Variants in ABCA12 observed in about 807,000 individuals in gnomAD.
ABCA12 encodes ATP binding cassette subfamily A member 12, also known as glucosylceramide transporter ABCA12.
A neutral mutation model predicts 293.5 loss-of-function variants in ABCA12; 156 were observed. The observed-to-expected ratio is 0.53, with a 90% CI of 0.47 to 0.61. ABCA12 has a LOEUF of 0.61. Among genes scored for constraint, ABCA12 ranks in the 20% least tolerant of loss-of-function variants. The probability of loss-of-function intolerance (pLI) is 0.00; values close to 1 mark genes in which losing one functional copy is unlikely to be tolerated. For synonymous variants in ABCA12, 1,063 were observed against 1,108.0 expected, an observed-to-expected ratio of 0.96 and a Z score of 0.81; for missense variants, 2,797 against 3,090.2, an observed-to-expected ratio of 0.91 and a Z score of 2.25.
chr2:215,053,055 T>A (rs890929410), intron 4 of ABCA12, among the ~76,000 whole-genome samples: 1 of 152,024 alleles, frequency 6.6e-6, no homozygotes, highest in Non-Finnish European at 1.5e-5. Flanking sequence ...AATCATAAAT[T>A]CTCTCCTCAA....
chr2:215,093,613 A>G (rs147220033), intron 2 of ABCA12, among the ~76,000 whole-genome samples: 8,367 of 152,290 alleles, frequency 0.055, 741 homozygotes, highest in African/African-American at 0.19. Context: ...TGCGTGCGGC[A>G]GCTGCCGCTG....
intron 5 of ABCA12, among the ~76,000 whole-genome samples, chr2:215,050,451 A>G (rs903146975): frequency 1.3e-5 from 2 of 152,118 alleles, no homozygotes; most frequent in African/African-American, 2.4e-5. Context: ...ATCTCCCTAT[A>G]TATTTCATAA....
chr2:214,993,222 A>G (rs1699962461), intron 23 of ABCA12, among the ~76,000 whole-genome samples: 1 of 152,070 alleles, frequency 6.6e-6, no homozygotes, highest in African/African-American at 2.4e-5. Flanking sequence ...TTCTCTCCCT[A>G]ATGTTTTTCT....
intron 2 of ABCA12, among the ~76,000 whole-genome samples, chr2:215,081,177 T>C (rs1701928806): frequency 6.6e-6 from 1 of 152,058 alleles, no homozygotes; most frequent in Admixed American, 6.6e-5. Context: ...CCTTCACTTC[T>C]TAACAACACA....
intron 2 of ABCA12, among the ~76,000 whole-genome samples, chr2:215,081,872 C>T (rs1017878641): frequency 6.6e-6 from 1 of 151,996 alleles, no homozygotes; most frequent in South Asian, 2.1e-4. Flanking sequence ...CTTGAATTCT[C>T]AGATACAAAA....
In ABCA12 at chr2:214,953,972, G is replaced by T; in HGVS notation, c.6529C>A (p.Pro2177Thr). The T allele has an allele frequency of 6.2e-7, 1 of 1,614,038 alleles. No individual in the cohort carries two copies. Among genetic ancestry groups the T allele is most frequent in the South Asian group, 1.1e-5 (1 of 91,074 alleles). Residue 2177 changes from proline to threonine, a missense_variant, in exon 44 of 53, where the codon CCA becomes ACA. Physicochemically the swap from Pro to Thr is conservative, Grantham distance 38 (BLOSUM62 -1). Around this residue, in one of 3 missense-constraint regions of ABCA12, gnomAD observed 2,130 missense variants for 2,427.0 expected, o/e 0.88. Coordinates refer to ENST00000272895, the MANE Select transcript of ABCA12 (RefSeq NM_173076.3). ...DFLKAYGVEYPNETFEMNKLG... is the reference protein window; with the variant it reads ...DFLKAYGVEYTNETFEMNKLG... The stretch of plus-strand genomic sequence containing the variant: ...TTATTCATCTCAAAGGTTTCATTTG[G>T]GTATTCCACTCCATATGCTTTTAAG...
At chr2:215,052,653 A>G (rs1197646528) in intron 4 of ABCA12, 69 bp from the exon 5 acceptor site, 1 of 1,263,686 alleles carries the variant, frequency 7.9e-7, no homozygotes, top group Non-Finnish European at 1.2e-6. Flanking sequence ...CCACATGAGA[A>G]TCCATAAACA....
intron 2 of ABCA12, among the ~76,000 whole-genome samples, chr2:215,090,202 C>T (rs1371248926): frequency 6.6e-6 from 1 of 152,186 alleles, no homozygotes; most frequent in African/African-American, 2.4e-5. Flanking sequence ...ACTTCCTTTG[C>T]TGACTCTCTT....
chr2:215,004,434 A>C, intron 19 of ABCA12, 135 bp from the exon 20 acceptor site: 1 of 674,006 alleles, frequency 1.5e-6, no homozygotes, highest in Non-Finnish European at 2.6e-6. Flanking sequence ...AAAGGCTCAC[A>C]GAGAAATCCT....
rs796889044 is a variant in ABCA12, at chr2:215,060,382, T to A, written c.317+3684A>T. ...GCTTACATAATAATTAAGACATTCT[T>A]CTACTTTGTTTTTTGATAAATAAAA... On this transcript the variant is annotated intron_variant, in intron 3 of 52. Transcript: ENST00000272895. Among the ~76,000 whole-genome samples the A allele has an allele frequency of 2.6e-5, 4 of 152,080 alleles. No homozygotes were observed. In the South Asian group the frequency reaches 6.2e-4, roughly 24 times the overall value.
At chr2:215,000,508 C>T (rs1281671196) in intron 22 of ABCA12, among the ~76,000 whole-genome samples, 197 bp downstream of exon 22, 1 of 152,154 alleles carries the variant, frequency 6.6e-6, no homozygotes, top group Admixed American at 6.5e-5. Context: ...TTGGTAAACA[C>T]TTTACCATCA....
rs1170520522 is a variant in ABCA12 at position 215,111,587 on chromosome 2, A to G, written c.163+10T>C. The G allele has an allele frequency of 6.3e-7, 1 of 1,583,094 alleles. No individual in the cohort carries two copies. The highest frequency in any genetic ancestry group is 1.7e-5 in the Admixed American group (1 of 59,888). ...AAAATTAAGGAAATAAACAAATGTCATTTACTTACAAGTTGGTTTTGCAGT... is the reference window on the plus strand; with the variant it reads ...AAAATTAAGGAAATAAACAAATGTCGTTTACTTACAAGTTGGTTTTGCAGT... On this transcript the variant is annotated intron_variant, in intron 2 of 52. Transcript: ENST00000272895.
In ABCA12 at chr2:215,048,276, A is replaced by T. The variant is rs577579133; in HGVS notation, c.693+1350T>A. ...AGTGTGGTGATTCCTCAAAGACCTAAAAACAGAGCTACCATTCAACCCAGT... is the reference window on the plus strand; with the variant it reads ...AGTGTGGTGATTCCTCAAAGACCTATAAACAGAGCTACCATTCAACCCAGT... On this transcript the variant is annotated intron_variant, in intron 6 of 52. Transcript: ENST00000272895. Among the ~76,000 whole-genome samples the T allele has an allele frequency of 3.3e-5, 5 of 152,248 alleles. No individual in the cohort carries two copies. The East Asian group carries it at 5.8e-4, about 18-fold the overall frequency.
chr2:214,944,883 A>ATG (rs1234840187), intron 49 of ABCA12, 118 bp downstream of exon 49: 4 of 727,146 alleles, frequency 5.5e-6, no homozygotes, highest in Non-Finnish European at 9.6e-6. Context: ...GTATATATAT[A>ATG]TATACACACA....
intron 52 of ABCA12, among the ~76,000 whole-genome samples, chr2:214,933,085 A>G (rs1291395126): frequency 6.6e-6 from 1 of 152,196 alleles, no homozygotes. Context: ...TCAGGTATAA[A>G]CAAGGAGCCC....
At chr2:214,956,982 G>A (rs922345498) in intron 41 of ABCA12, among the ~76,000 whole-genome samples, 1 of 152,152 alleles carries the variant, frequency 6.6e-6, no homozygotes, top group Non-Finnish European at 1.5e-5. Context: ...TGCAATATGA[G>A]GTTAAGCCAA....
chr2:215,072,525 C>T (rs1002020768), intron 2 of ABCA12, among the ~76,000 whole-genome samples: 1 of 152,120 alleles, frequency 6.6e-6, no homozygotes, highest in Non-Finnish European at 1.5e-5. Flanking sequence ...AATTGATGGT[C>T]AGCCCAGAAG....
intron 18 of ABCA12, among the ~76,000 whole-genome samples, chr2:215,008,230 G>A (rs188564565): frequency 6.6e-6 from 1 of 152,180 alleles, no homozygotes; most frequent in Non-Finnish European, 1.5e-5. Flanking sequence ...GCTGAGAATA[G>A]ATGTTAGAGG....
At chr2:214,947,841 C>A (rs765066041) in intron 47 of ABCA12, 13 of 410,124 alleles carry the variant, frequency 3.2e-5, no homozygotes, top group Non-Finnish European at 5.5e-5. Flanking sequence ...CTTTTTGCTG[C>A]ATTACCACAA....
Sources: gnomAD v4.1 joint callset for allele counts (sites outside exome capture counted in the v4.1 genomes callset) on GRCh38, gnomAD v4.1.1 for gene constraint, gnomAD v4.1.1 regional missense constraint, MANE v1.5 for transcripts, NCBI Gene and HGNC (gene_info 2026-07-23, HGNC 2026-07-21) for gene names.